The following MAP3K20 variants were observed in gnomAD, a reference collection of about 807,000 sequenced individuals.
MAP3K20 encodes HCCS-4.
Under a neutral mutation model 85.7 loss-of-function variants are expected in MAP3K20, and 40 were observed. That is an observed-to-expected ratio of 0.47 (90% CI 0.36 to 0.61). MAP3K20 has a LOEUF of 0.61. Ranked by LOEUF, MAP3K20 falls within the 20% of genes least tolerant of loss-of-function variation. The pLI is 0.00. For missense variants in MAP3K20, 817 were observed against 961.7 expected (o/e 0.85, Z 1.99); for synonymous variants, 325 against 327.7 (o/e 0.99, Z 0.09).
chr2:173,216,054 C>T (rs1454209313), intron 10 of MAP3K20, among the ~76,000 whole-genome samples: 1 of 152,200 alleles, frequency 6.6e-6, no homozygotes, highest in Non-Finnish European at 1.5e-5. Flanking sequence ...AGTGCCTTCT[C>T]TAGCCTTGAC....
At chr2:173,076,289 C>G (rs1470488384) in intron 1 of MAP3K20, among the ~76,000 whole-genome samples, 1 of 152,038 alleles carries the variant, frequency 6.6e-6, no homozygotes, top group Non-Finnish European at 1.5e-5. Context: ...TCGGGCCGGT[C>G]CCATGGAGAA....
chr2:173,264,941 G>A (rs893272676), intron 19 of MAP3K20, among the ~76,000 whole-genome samples: 5 of 152,150 alleles, frequency 3.3e-5, no homozygotes, highest in Non-Finnish European at 5.9e-5. Flanking sequence ...ACAGAGATCC[G>A]CGCAACAATG....
intron 2 of MAP3K20, chr2:173,166,910 G>GTTTTTTTT (rs71018540): frequency 2.1e-4 from 24 of 113,844 alleles, no homozygotes; most frequent in Non-Finnish European, 2.6e-4. Context: ...CAGTTTTTCT[G>GTTTTTTTT]TTTTTTTTTT....
At chr2:173,110,560 A>C (rs974794544) in intron 2 of MAP3K20, among the ~76,000 whole-genome samples, 1 of 151,942 alleles carries the variant, frequency 6.6e-6, no homozygotes, top group Admixed American at 6.6e-5. Flanking sequence ...GTAGTCTTCT[A>C]TCCCTTGCCC....
At chr2:173,199,473 T>C (rs945115681) in intron 8 of MAP3K20, among the ~76,000 whole-genome samples, 1 of 152,228 alleles carries the variant, frequency 6.6e-6, no homozygotes, top group Non-Finnish European at 1.5e-5. Flanking sequence ...GGATGACTGA[T>C]ATTGTCGTCA....
intron 2 of MAP3K20, among the ~76,000 whole-genome samples, chr2:173,155,296 T>C (rs1689432396): frequency 6.6e-6 from 1 of 152,188 alleles, no homozygotes; most frequent in Non-Finnish European, 1.5e-5. Context: ...GCAAGAGTAC[T>C]AGAAGACATG....
At chr2:173,222,018 C>A (rs1019046603) in intron 11 of MAP3K20, 1 of 978,808 alleles carries the variant, frequency 1.0e-6, no homozygotes, top group Non-Finnish European at 1.2e-6. Flanking sequence ...GCCTGAGCAA[C>A]CTAGTAAGAC....
At chr2:173,144,506 A>G (rs1689080730) in intron 2 of MAP3K20, among the ~76,000 whole-genome samples, 1 of 150,102 alleles carries the variant, frequency 6.7e-6, no homozygotes, top group South Asian at 2.1e-4. Flanking sequence ...AAAGAAGAGA[A>G]GAGAAAAGAA....
chr2:173,189,250 T>C (rs1351223816), intron 5 of MAP3K20, among the ~76,000 whole-genome samples: 1 of 152,214 alleles, frequency 6.6e-6, no homozygotes, highest in African/African-American at 2.4e-5. Context: ...ACATTTCTAT[T>C]TGTAAAAGTT....
chr2:173,161,945 G>A (rs1314961483), intron 2 of MAP3K20, among the ~76,000 whole-genome samples: 3 of 152,142 alleles, frequency 2.0e-5, no homozygotes, highest in Non-Finnish European at 4.4e-5. Context: ...ATCCTAGGGA[G>A]AATCTTTCCA....
intron 10 of MAP3K20, among the ~76,000 whole-genome samples, chr2:173,213,104 G>A (rs551906644): frequency 1.3e-5 from 2 of 152,200 alleles, no homozygotes; most frequent in South Asian, 2.1e-4. Context: ...CAAAAAGTCA[G>A]TGTTATCACT....
At chr2:173,154,494 T>A (rs1373677077) in intron 2 of MAP3K20, among the ~76,000 whole-genome samples, 2 of 152,208 alleles carry the variant, frequency 1.3e-5, no homozygotes, top group Non-Finnish European at 2.9e-5. Flanking sequence ...TAATCCATTC[T>A]TCATGGTCTA....
intron 7 of MAP3K20, among the ~76,000 whole-genome samples, chr2:173,191,955 G>A (rs1690664464): frequency 1.3e-5 from 2 of 152,178 alleles, no homozygotes; most frequent in African/African-American, 4.8e-5. Flanking sequence ...GTTCTTTGCT[G>A]GAGGAAGGAA....
chr2:173,089,496 A>C (rs1687231792), intron 1 of MAP3K20, among the ~76,000 whole-genome samples: 1 of 152,228 alleles, frequency 6.6e-6, no homozygotes, highest in African/African-American at 2.4e-5. Context: ...TATAGTTAAT[A>C]TTTAGATTTC....
chr2:173,255,817 T>C (rs1045657366), intron 16 of MAP3K20, among the ~76,000 whole-genome samples: 1 of 152,208 alleles, frequency 6.6e-6, no homozygotes. Context: ...TCATCTCTTC[T>C]AAGGCTTTTT....
intron 17 of MAP3K20, among the ~76,000 whole-genome samples, chr2:173,260,272 C>T (rs1685257419): frequency 6.6e-6 from 1 of 152,092 alleles, no homozygotes; most frequent in African/African-American, 2.4e-5. Flanking sequence ...AGAGGCTCAG[C>T]CTTGAGAATC....
intron 2 of MAP3K20, among the ~76,000 whole-genome samples, chr2:173,157,662 C>T (rs1022667042): frequency 1.3e-5 from 2 of 152,290 alleles, no homozygotes; most frequent in African/African-American, 4.8e-5. Flanking sequence ...GTGAGAGTTG[C>T]TCAAAATTTC....
chr2:173,110,221 ATATATATATATATATATATATTTTTT>A (rs1687913961), intron 2 of MAP3K20, among the ~76,000 whole-genome samples: 1 of 7,732 alleles, frequency 1.3e-4, no homozygotes, highest in African/African-American at 4.0e-4. Context: ...ATATATATAT[ATATATATATATATATATATATTTTTT>A]TTTTTTTTTT....
At chr2:173,168,226 A>G (rs958152216) in intron 2 of MAP3K20, among the ~76,000 whole-genome samples, 2 of 152,132 alleles carry the variant, frequency 1.3e-5, no homozygotes, top group African/African-American at 2.4e-5. Context: ...AAACTAAACT[A>G]TGAGAAGAAG....
Sources: gnomAD v4.1 joint callset for allele counts (sites outside exome capture counted in the v4.1 genomes callset) on GRCh38, gnomAD v4.1.1 for gene constraint, MANE v1.5 for transcripts, NCBI Gene and HGNC (gene_info 2026-07-23, HGNC 2026-07-21) for gene names.